ADK: variants seen among roughly 807,000 people sequenced by gnomAD.
ADK encodes N6,N6-dimethyladenosine kinase.
A neutral mutation model predicts 44.7 loss-of-function variants in ADK; 24 were observed. That is an observed-to-expected ratio of 0.54 (90% confidence interval 0.39 to 0.76). The LOEUF is 0.76. Ranked by LOEUF, ADK falls within the 30% of genes least tolerant of loss-of-function variation. ADK has a pLI of 0.00. For missense variants in ADK, 321 were observed against 425.1 expected (o/e 0.76, Z 2.15); for synonymous variants, 128 against 142.6 (o/e 0.90, Z 0.73).
intron 9 of ADK, among the ~76,000 whole-genome samples, chr10:74,601,175 G>A (rs2133965714): frequency 6.6e-6 from 1 of 151,608 alleles, no homozygotes; most frequent in South Asian, 2.1e-4. Context: ...GATCTAACTG[G>A]GAATTAATAT....
chr10:74,157,634 T>C (rs1591788488), intron 1 of ADK, among the ~76,000 whole-genome samples: 1 of 151,860 alleles, frequency 6.6e-6, no homozygotes, highest in Non-Finnish European at 1.5e-5. Flanking sequence ...ATTCCAGTAC[T>C]TTGGGAGGCC....
chr10:74,577,065 T>G (rs1170351374), intron 7 of ADK, among the ~76,000 whole-genome samples: 1 of 151,768 alleles, frequency 6.6e-6, no homozygotes, highest in Non-Finnish European at 1.5e-5. Context: ...TTAGTATTTA[T>G]TCACCATCTA....
chr10:74,593,503 C>T lies in ADK; in HGVS notation c.762+4186C>T, dbSNP rs541661462. ...AAAAAAAGCGACACAAACAGCAAAA[C>T]AAATTTCAAACAGAGAGAACAGGAC... On this transcript the variant is annotated intron_variant, in intron 8 of 10. Transcript: ENST00000539909. Among the ~76,000 whole-genome samples the T allele has an allele frequency of 4.0e-5, 6 of 151,204 alleles. No individual in the cohort carries two copies. The South Asian group carries it at 1.3e-3, about 32-fold the overall frequency.
intron 9 of ADK, among the ~76,000 whole-genome samples, chr10:74,619,015 TGTGTGTGTG>T (rs1852880087): frequency 2.1e-5 from 1 of 48,232 alleles, no homozygotes; most frequent in African/African-American, 9.4e-5. Flanking sequence ...ATGCTCTTTG[TGTGTGTGTG>T]TGTGTGTGTG....
chr10:74,241,166 A>T (rs539801464), intron 3 of ADK, among the ~76,000 whole-genome samples: 61 of 152,328 alleles, frequency 4.0e-4, no homozygotes, highest in African/African-American at 1.4e-3. Context: ...CATACGGTGT[A>T]ATATCAATCT....
At chr10:74,178,689 CCTTA>C (rs1198585276) in intron 1 of ADK, among the ~76,000 whole-genome samples, 1 of 152,090 alleles carries the variant, frequency 6.6e-6, no homozygotes, top group East Asian at 1.9e-4. Flanking sequence ...TTGACACCAG[CCTTA>C]CTTGACATGT....
chr10:74,558,329 C>G (rs570253932), intron 7 of ADK, among the ~76,000 whole-genome samples: 5 of 152,330 alleles, frequency 3.3e-5, no homozygotes, highest in East Asian at 3.9e-4. Flanking sequence ...TCCTGAGTAG[C>G]TAGGACTACA....
chr10:74,539,006 A>T (rs1849543210), intron 7 of ADK, among the ~76,000 whole-genome samples: 1 of 152,060 alleles, frequency 6.6e-6, no homozygotes, highest in Non-Finnish European at 1.5e-5. Context: ...CTTCTTTCAG[A>T]TATTCTTCTT....
Position 74,394,189 on chromosome 10 carries a change from G to A in ADK, c.322G>A (p.Gly108Arg). ...HKAATFFGCI[G>R]IDKFGEILKR... The stretch of plus-strand genomic sequence containing the variant: ...AGCAGCAACATTTTTTGGATGCATT[G>A]GGATAGATAAATTTGGGGAGATCCT... Residue 108 changes from glycine to arginine, a missense_variant, in exon 5 of 11, where the codon GGG becomes AGG. Transcript: ENST00000539909. 6.2e-7 allele frequency: 1 copy of A among 1,613,976 alleles called. No individual in the cohort carries two copies. The highest frequency in any genetic ancestry group is 8.5e-7 in the Non-Finnish European group (1 of 1,179,950).
At chr10:74,639,755 G>C (rs1279298614) in intron 9 of ADK, among the ~76,000 whole-genome samples, 1 of 152,146 alleles carries the variant, frequency 6.6e-6, no homozygotes, top group African/African-American at 2.4e-5. Flanking sequence ...AGAATCGCTT[G>C]ATCCCAGGAG....
At chr10:74,363,678 G>C (rs1331746285) in intron 4 of ADK, among the ~76,000 whole-genome samples, 1 of 152,152 alleles carries the variant, frequency 6.6e-6, no homozygotes, top group Non-Finnish European at 1.5e-5. Flanking sequence ...CTGAGACTGG[G>C]CTCCCTCAGG....
At chr10:74,707,885 G>C (rs116804001) in intron 10 of ADK, among the ~76,000 whole-genome samples, 1 of 151,460 alleles carries the variant, frequency 6.6e-6, no homozygotes, top group African/African-American at 2.4e-5. Context: ...TCTCCCGACC[G>C]GGCACAGTGG....
intron 3 of ADK, among the ~76,000 whole-genome samples, chr10:74,283,343 C>T (rs1352900844): frequency 6.6e-6 from 1 of 151,304 alleles, no homozygotes; most frequent in African/African-American, 2.4e-5. Context: ...TGGCTTCTTC[C>T]TAGTTTGACT....
At chr10:74,603,294 CATGTCCAGA>C (rs984977439) in intron 9 of ADK, among the ~76,000 whole-genome samples, 1 of 151,930 alleles carries the variant, frequency 6.6e-6, no homozygotes, top group African/African-American at 2.4e-5. Flanking sequence ...TTCTGGGATA[CATGTCCAGA>C]ATGTGCATGT....
intron 1 of ADK, among the ~76,000 whole-genome samples, chr10:74,199,390 G>A (rs954712778): frequency 6.6e-6 from 1 of 152,164 alleles, no homozygotes; most frequent in Non-Finnish European, 1.5e-5. Flanking sequence ...CGACATCTTT[G>A]TGTCTCTGCG....
intron 9 of ADK, among the ~76,000 whole-genome samples, chr10:74,610,020 G>A (rs1433397786): frequency 6.6e-6 from 1 of 152,052 alleles, no homozygotes; most frequent in Non-Finnish European, 1.5e-5. Context: ...GGAGTGCTGG[G>A]CACTGAAGAA....
intron 6 of ADK, among the ~76,000 whole-genome samples, chr10:74,488,946 C>A (rs1479096141): frequency 2.0e-5 from 3 of 151,810 alleles, no homozygotes; most frequent in Admixed American, 6.6e-5. Context: ...AAATATTCAA[C>A]AGGATAATAA....
chr10:74,251,571 T>G (rs776699992), intron 3 of ADK, among the ~76,000 whole-genome samples: 1 of 152,224 alleles, frequency 6.6e-6, no homozygotes, highest in Non-Finnish European at 1.5e-5. Flanking sequence ...CCTAGCAATA[T>G]GAGTTAAATA....
intron 6 of ADK, among the ~76,000 whole-genome samples, chr10:74,492,030 C>T (rs967442650): frequency 5.9e-5 from 9 of 152,136 alleles, no homozygotes; most frequent in Admixed American, 5.9e-4. Flanking sequence ...ATATTTACCA[C>T]AGCTATTGTA....
Sources: allele counts gnomAD v4.1 joint callset (sites outside exome capture counted in the v4.1 genomes callset), GRCh38; gene constraint gnomAD v4.1.1; transcripts MANE v1.5; gene names NCBI Gene and HGNC (gene_info 2026-07-23, HGNC 2026-07-21).